CFAP61: variants seen among roughly 807,000 people sequenced by gnomAD.
CFAP61 encodes cilia and flagella associated protein 61, also known as cilia- and flagella-associated protein 61.
CFAP61 carries 107 observed loss-of-function variants against 135.6 expected under a neutral mutation model. The observed-to-expected ratio is 0.79, with a 90% CI of 0.67 to 0.93. The LOEUF (loss-of-function observed/expected upper bound fraction) is 0.93, where lower values mean the gene tolerates loss of function less well. Ranked by LOEUF, CFAP61 falls within the 40% of genes least tolerant of loss-of-function variation. The pLI, the probability that CFAP61 is intolerant of heterozygous loss-of-function variation, is 0.00. For synonymous variants in CFAP61, 575 were observed against 578.5 expected, an observed-to-expected ratio of 0.99 and a Z score of 0.09; for missense variants, 1,507 against 1,556.2, an observed-to-expected ratio of 0.97 and a Z score of 0.53.
intron 17 of CFAP61, among the ~76,000 whole-genome samples, chr20:20,203,247 T>C (rs934180896): frequency 6.6e-6 from 1 of 152,190 alleles, no homozygotes; most frequent in Admixed American, 6.5e-5. Context: ...TTCATAGTAA[T>C]GTCTCCACAG....
chr20:20,188,873 A>T (rs1049855427), intron 14 of CFAP61, among the ~76,000 whole-genome samples: 11 of 152,228 alleles, frequency 7.2e-5, no homozygotes, highest in African/African-American at 2.7e-4. Context: ...GCCTCTACTC[A>T]GGCCTTTCCC....
chr20:20,267,697 C>G (rs6515093), intron 21 of CFAP61: 1 of 152,046 alleles, frequency 6.6e-6, no homozygotes, highest in African/African-American at 2.4e-5. Context: ...GCCACGAAAA[C>G]GTAGCCTCGC....
chr20:20,241,223 C>G (rs1446050299), intron 18 of CFAP61, among the ~76,000 whole-genome samples: 1 of 151,948 alleles, frequency 6.6e-6, no homozygotes, highest in African/African-American at 2.4e-5. Context: ...GTGACCAGTC[C>G]CCATTTTCTT....
intron 6 of CFAP61, among the ~76,000 whole-genome samples, chr20:20,083,287 G>A (rs1162694572): frequency 6.6e-6 from 1 of 151,946 alleles, no homozygotes; most frequent in Non-Finnish European, 1.5e-5. Context: ...TGGGAGCTAA[G>A]CTATGAGGAC....
intron 13 of CFAP61, among the ~76,000 whole-genome samples, chr20:20,176,022 C>G (rs931181721): frequency 1.3e-5 from 2 of 151,662 alleles, no homozygotes; most frequent in Non-Finnish European, 2.9e-5. Flanking sequence ...AAAAAACAAC[C>G]CCATTAAAAA....
chr20:20,276,439 A>G (rs1473128293), intron 21 of CFAP61, among the ~76,000 whole-genome samples: 1 of 152,262 alleles, frequency 6.6e-6, no homozygotes, highest in Non-Finnish European at 1.5e-5. Context: ...TAAAACTGCT[A>G]AAATAGTAGA....
chr20:20,247,232 C>T (rs569789895), intron 19 of CFAP61, among the ~76,000 whole-genome samples: 124 of 152,326 alleles, frequency 8.1e-4, no homozygotes, highest in African/African-American at 2.8e-3. Flanking sequence ...CTAAATTACA[C>T]GATTCCCAGG....
At chr20:20,140,758 G>A (rs545293620) in intron 8 of CFAP61, among the ~76,000 whole-genome samples, 2 of 151,612 alleles carry the variant, frequency 1.3e-5, no homozygotes, top group South Asian at 4.2e-4. Flanking sequence ...AAAGACACAT[G>A]CACACGTATG....
chr20:20,216,139 G>A (rs2048025442), intron 17 of CFAP61, among the ~76,000 whole-genome samples: 1 of 152,144 alleles, frequency 6.6e-6, no homozygotes, highest in South Asian at 2.1e-4. Flanking sequence ...TTTCCTTACT[G>A]TAAATGTCAG....
In CFAP61 at chr20:20,167,300, G is replaced by A. The variant is rs370251348; in HGVS notation, c.1245+864G>A. Among the ~76,000 whole-genome samples the A allele has an allele frequency of 2.6e-5, 4 of 152,190 alleles. 1 individual carries two copies. Among genetic ancestry groups the A allele is most frequent in the African/African-American group, 7.2e-5 (3 of 41,518 alleles). On this transcript the variant is annotated intron_variant, in intron 12 of 26. Transcript: ENST00000245957. Reference sequence around the variant, plus strand: ...TATTATAATGAAGCTTTATAATAAGGCAATATGTTCTCCATCATAATTTTT... The same window carrying A: ...TATTATAATGAAGCTTTATAATAAGACAATATGTTCTCCATCATAATTTTT...
rs1470635488 is a variant in CFAP61 at position 20,359,344 on chromosome 20, C to T, written c.3514-866C>T. Among the ~76,000 whole-genome samples, 1 of 151,764 alleles carries T rather than the reference C, an allele frequency of 6.6e-6. No homozygotes were observed. Among genetic ancestry groups the T allele is most frequent in the Non-Finnish European group, 1.5e-5 (1 of 67,938 alleles). ...TTCAAGTAAAAAGGTTTAATCACTC[C>T]TTTTTTTTATTTTTAAATTTTTTTA... On this transcript the variant is annotated intron_variant, in intron 26 of 26. Coordinates refer to ENST00000245957, the MANE Select transcript of CFAP61 (RefSeq NM_015585.4). This position sits in a 1 kb window ranked among gnomAD's most constrained non-coding sequence, Gnocchi z 4.0.
chr20:20,064,222 G>A (rs1396471865), intron 2 of CFAP61, among the ~76,000 whole-genome samples: 1 of 152,102 alleles, frequency 6.6e-6, no homozygotes, highest in African/African-American at 2.4e-5. Flanking sequence ...CATAACTTTT[G>A]TAGTTTGAAG....
At chr20:20,318,161 G>T (rs1372628119) in intron 25 of CFAP61, among the ~76,000 whole-genome samples, 1 of 152,154 alleles carries the variant, frequency 6.6e-6, no homozygotes, top group Non-Finnish European at 1.5e-5. Flanking sequence ...CTCCAAGGCT[G>T]CTGGAGTCCT....
intron 25 of CFAP61, among the ~76,000 whole-genome samples, chr20:20,338,038 C>T (rs973457216): frequency 6.6e-6 from 1 of 152,170 alleles, no homozygotes; most frequent in African/African-American, 2.4e-5. Context: ...ATATATCATA[C>T]CTGGCCTTGG....
chr20:20,236,891 T>A (rs570347545), intron 18 of CFAP61, among the ~76,000 whole-genome samples: 1 of 152,362 alleles, frequency 6.6e-6, no homozygotes, highest in South Asian at 2.1e-4. Flanking sequence ...TCTTGGTATT[T>A]ACATCTGGTA....
In CFAP61 at chr20:20,236,986, C is replaced by G. The variant is rs536958663; in HGVS notation, c.2060+8610C>G. Among the ~76,000 whole-genome samples the G allele has an allele frequency of 4.6e-5, 7 of 152,288 alleles. No individual in the cohort carries two copies. The Middle Eastern group carries it at 0.01, about 222-fold the overall frequency. On this transcript the variant is annotated intron_variant, in intron 18 of 26. Coordinates refer to ENST00000245957, the MANE Select transcript of CFAP61 (RefSeq NM_015585.4). ...AGACATAGATAAAAACATCATTAATCATTTCCCCTAAATTATAAAGGAAAG... is the reference window on the plus strand; with the variant it reads ...AGACATAGATAAAAACATCATTAATGATTTCCCCTAAATTATAAAGGAAAG...
intron 8 of CFAP61, among the ~76,000 whole-genome samples, chr20:20,133,756 C>G (rs1306066249): frequency 2.0e-5 from 3 of 152,182 alleles, no homozygotes; most frequent in Non-Finnish European, 4.4e-5. Flanking sequence ...CTGGAGGAGG[C>G]TAAGACCTTA....
chr20:20,280,941 T>A (rs189397594), intron 22 of CFAP61, among the ~76,000 whole-genome samples: 13 of 152,334 alleles, frequency 8.5e-5, no homozygotes, highest in Admixed American at 8.5e-4. Flanking sequence ...GTGTTTTTTT[T>A]AATTTGTGCT....
chr20:20,327,777 C>CAAAAAAAAAAAAAAAAAAAAAAAAAAAA (rs60171844), intron 25 of CFAP61, among the ~76,000 whole-genome samples: 5 of 60,342 alleles, frequency 8.3e-5, no homozygotes, highest in African/African-American at 2.5e-4. Flanking sequence ...AAGAGCCTGT[C>CAAAAAAAAAAAAAAAAAAAAAAAAAAAA]AAAAAAAAAA....
Sources: gnomAD v4.1 joint callset for allele counts (sites outside exome capture counted in the v4.1 genomes callset) on GRCh38, gnomAD v4.1.1 for gene constraint, Gnocchi (gnomAD v3.1) non-coding constraint, MANE v1.5 for transcripts, NCBI Gene and HGNC (gene_info 2026-07-23, HGNC 2026-07-21) for gene names.